Variants in EPHA5 observed in about 807,000 individuals in gnomAD.
EPHA5 encodes ephrin type-A receptor 5.
Under a neutral mutation model 105.0 loss-of-function variants are expected in EPHA5, and 60 were observed. That is an observed-to-expected ratio of 0.57 (90% CI 0.46 to 0.71). The LOEUF is 0.71. Ranked by LOEUF, EPHA5 falls within the 30% of genes least tolerant of loss-of-function variation. EPHA5 has a pLI of 0.00. For missense variants in EPHA5, 1,218 were observed against 1,274.7 expected (o/e 0.96, Z 0.68); for synonymous variants, 513 against 449.1 (o/e 1.14, Z -1.80).
intron 5 of EPHA5, among the ~76,000 whole-genome samples, chr4:65,487,868 T>C (rs913102279): frequency 6.6e-6 from 1 of 152,222 alleles, no homozygotes; most frequent in Non-Finnish European, 1.5e-5. Flanking sequence ...TCTTGATCAA[T>C]TGACTCTCTC....
intron 2 of EPHA5, among the ~76,000 whole-genome samples, chr4:65,620,460 C>G (rs953274256): frequency 6.6e-6 from 1 of 151,992 alleles, no homozygotes; most frequent in Non-Finnish European, 1.5e-5. Context: ...GATATTTGAA[C>G]TGTGGCAATT....
intron 3 of EPHA5, among the ~76,000 whole-genome samples, chr4:65,550,000 C>G (rs1015387003): frequency 2.0e-5 from 3 of 151,970 alleles, no homozygotes; most frequent in African/African-American, 7.2e-5. Flanking sequence ...CTCTATATTA[C>G]TACAAATTAA....
intron 2 of EPHA5, among the ~76,000 whole-genome samples, chr4:65,640,711 A>T (rs1020095407): frequency 6.6e-6 from 1 of 152,138 alleles, no homozygotes; most frequent in South Asian, 2.1e-4. Flanking sequence ...CATTCCTTCA[A>T]TATTCAGCTA....
intron 8 of EPHA5, among the ~76,000 whole-genome samples, chr4:65,403,205 T>C (rs1253653938): frequency 6.6e-6 from 1 of 152,220 alleles, no homozygotes; most frequent in Non-Finnish European, 1.5e-5. Context: ...AATAAACTGT[T>C]ACTTCTGTAA....
intron 7 of EPHA5, among the ~76,000 whole-genome samples, chr4:65,408,165 A>C (rs996653088): frequency 6.6e-6 from 1 of 152,100 alleles, no homozygotes; most frequent in Non-Finnish European, 1.5e-5. Context: ...ATATTAACTC[A>C]GGTGAAAATA....
In EPHA5 at chr4:65,319,894, C is replaced by G. The variant is rs1719500376; in HGVS notation, c.*4220G>C. The G allele has an allele frequency of 4.4e-6, 1 of 229,862 alleles. No homozygotes were observed. Among genetic ancestry groups the G allele is most frequent in the Non-Finnish European group, 8.6e-6 (1 of 115,966 alleles). The allele number at this position is 229,862 out of a possible 1,614,324, so 14.2% of individuals were successfully genotyped here. Reference sequence around the variant, plus strand: ...ATAATTGACTGTAAAACTACAGCAGCCTAAAGAGTCATAGATATGTTGACC... The same window carrying G: ...ATAATTGACTGTAAAACTACAGCAGGCTAAAGAGTCATAGATATGTTGACC... On this transcript the variant is annotated 3_prime_UTR_variant, in exon 17 of 17. Coordinates refer to ENST00000613740, the MANE Select transcript of EPHA5 (RefSeq NM_001281766.3).
intron 16 of EPHA5, 127 bp from the exon 17 acceptor site, chr4:65,324,346 G>A: frequency 1.7e-6 from 1 of 580,666 alleles, no homozygotes; most frequent in Non-Finnish European, 3.0e-6. Flanking sequence ...TAGACATACA[G>A]AGTCTAGTTT....
chr4:65,627,898 A>C (rs1314425913), intron 2 of EPHA5, among the ~76,000 whole-genome samples: 1 of 152,156 alleles, frequency 6.6e-6, no homozygotes, highest in East Asian at 1.9e-4. Flanking sequence ...CAGTCAAAAA[A>C]ATAAAAGCAT....
At chr4:65,404,713 C>T (rs2148992190) in intron 7 of EPHA5, among the ~76,000 whole-genome samples, 1 of 152,198 alleles carries the variant, frequency 6.6e-6, no homozygotes, top group African/African-American at 2.4e-5. Context: ...TGATTATTTC[C>T]TTGTCATAAT....
chr4:65,363,664 T>A (rs532040523), intron 11 of EPHA5, among the ~76,000 whole-genome samples: 1 of 151,698 alleles, frequency 6.6e-6, no homozygotes, highest in East Asian at 1.9e-4. Flanking sequence ...CTATTATTAC[T>A]GGTACCATCA....
chr4:65,324,407 A>C (rs1050061845), intron 16 of EPHA5, among the ~76,000 whole-genome samples, 188 bp from the exon 17 acceptor site: 2 of 151,484 alleles, frequency 1.3e-5, no homozygotes, highest in Non-Finnish European at 3.0e-5. Flanking sequence ...AGTAGTCAAA[A>C]AATATTTATA....
At chr4:65,432,994 T>C (rs1412322224) in intron 5 of EPHA5, among the ~76,000 whole-genome samples, 7 of 152,116 alleles carry the variant, frequency 4.6e-5, no homozygotes, top group Non-Finnish European at 7.4e-5. Context: ...CTAAATATAA[T>C]GATACAATGT....
intron 8 of EPHA5, among the ~76,000 whole-genome samples, chr4:65,400,006 A>G (rs1239685057): frequency 1.3e-5 from 2 of 152,200 alleles, no homozygotes; most frequent in African/African-American, 2.4e-5. Flanking sequence ...TGTCTGAAAT[A>G]AGGACACAGA....
At chr4:65,531,030 TTTA>T (rs1735734761) in intron 3 of EPHA5, among the ~76,000 whole-genome samples, 2 of 132,842 alleles carry the variant, frequency 1.5e-5, no homozygotes, top group African/African-American at 5.6e-5. Context: ...TTTTATTTTT[TTTA>T]TTTTTTTATT....
chr4:65,641,268 G>A (rs772955885), intron 2 of EPHA5, among the ~76,000 whole-genome samples: 1 of 152,122 alleles, frequency 6.6e-6, no homozygotes, highest in Non-Finnish European at 1.5e-5. Flanking sequence ...CAAGTAAAAT[G>A]CCACAAACCT....
chr4:65,507,936 A>C (rs973707018), intron 3 of EPHA5, among the ~76,000 whole-genome samples: 1 of 151,848 alleles, frequency 6.6e-6, no homozygotes, highest in African/African-American at 2.4e-5. Flanking sequence ...CCCCACTCAT[A>C]GTTTTTTCTC....
At chr4:65,420,136 C>T (rs1016153634) in intron 6 of EPHA5, among the ~76,000 whole-genome samples, 1 of 152,114 alleles carries the variant, frequency 6.6e-6, no homozygotes, top group Non-Finnish European at 1.5e-5. Context: ...TACTGAAAGT[C>T]TATAGCTTAA....
chr4:65,558,644 T>C (rs575854570), intron 3 of EPHA5, among the ~76,000 whole-genome samples: 2 of 152,268 alleles, frequency 1.3e-5, no homozygotes, highest in South Asian at 2.1e-4. Context: ...CTGCACCCAT[T>C]AACTCGTCAT....
At chr4:65,568,575 A>C (rs1410183072) in intron 3 of EPHA5, among the ~76,000 whole-genome samples, 1 of 151,036 alleles carries the variant, frequency 6.6e-6, no homozygotes, top group Non-Finnish European at 1.5e-5. Flanking sequence ...TCATCCTCTG[A>C]TATTGTGTTT....
Sources: gnomAD v4.1 joint callset for allele counts (sites outside exome capture counted in the v4.1 genomes callset) on GRCh38, gnomAD v4.1.1 for gene constraint, MANE v1.5 for transcripts, NCBI Gene and HGNC (gene_info 2026-07-23, HGNC 2026-07-21) for gene names.